ZNF469: variants seen among roughly 807,000 people sequenced by gnomAD.
ZNF469 encodes zinc finger protein 469.
A neutral mutation model predicts 1.0 loss-of-function variants in ZNF469; 1 was observed. The observed-to-expected ratio is 1.00, with a 90% confidence interval of 0.35 to 4.73. ZNF469 has a LOEUF of 4.73. Among genes scored for constraint, ZNF469 ranks in the 30% most tolerant of loss-of-function variants. ZNF469 has a pLI of 0.16. For missense variants in ZNF469, 6,100 were observed against 5,356.3 expected (o/e 1.14, Z -4.33); for synonymous variants, 2,703 against 2,363.4 (o/e 1.14, Z -4.17).
intron 1 of ZNF469, among the ~76,000 whole-genome samples, chr16:88,410,284 A>T (rs1026724584): frequency 2.7e-5 from 4 of 146,818 alleles, no homozygotes; most frequent in African/African-American, 8.0e-5. Context: ...GACGTCTATG[A>T]TACCGTTGAT....
At chr16:88,405,108 G>A (rs534099738) in intron 1 of ZNF469, among the ~76,000 whole-genome samples, 51 of 152,274 alleles carry the variant, frequency 3.3e-4, no homozygotes, top group African/African-American at 1.2e-3. Context: ...TTGAGGTGCT[G>A]TTGCCAACAA....
chr16:88,215,783 A>T, the ZNF469 span, among the ~76,000 whole-genome samples: 49 of 152,200 alleles, frequency 3.2e-4, 1 homozygote, highest in East Asian at 6.4e-3. Flanking sequence ...AGCGATTAAA[A>T]CAGGTACTTG....
chr16:88,158,529 T>A, the ZNF469 span, among the ~76,000 whole-genome samples: 5 of 148,262 alleles, frequency 3.4e-5, no homozygotes, highest in African/African-American at 1.0e-4. Flanking sequence ...CATGCCTGCC[T>A]CTGCGCAGAA....
chr16:88,428,852 G>A lies in ZNF469; in HGVS notation c.1382G>A (p.Ser461Asn). The A allele has an allele frequency of 6.5e-7, 1 of 1,548,578 alleles. No individual in the cohort carries two copies. The highest frequency in any genetic ancestry group is 1.2e-5 in the South Asian group (1 of 84,046). Residue 461 changes from serine to asparagine, a missense_variant, in exon 3 of 3, where the codon AGT becomes AAT. Ser to Asn is a conservative substitution (Grantham distance 46, BLOSUM62 1). Transcript: ENST00000565624. ...PPGGPLAATRSMFFNGQPSPG... is the reference protein window; with the variant it reads ...PPGGPLAATRNMFFNGQPSPG... ...GGGGGCCCCCTGGCTGCCACCAGGA[G>A]TATGTTCTTTAACGGCCAGCCCAGC...
At chr16:88,298,585 C>T in the ZNF469 span, among the ~76,000 whole-genome samples, 22 of 152,142 alleles carry the variant, frequency 1.4e-4, no homozygotes, top group Non-Finnish European at 2.1e-4. Flanking sequence ...GAGCTGCTGA[C>T]GATTCTTACT....
intron 1 of ZNF469, among the ~76,000 whole-genome samples, chr16:88,389,138 A>G (rs1353939986): frequency 2.0e-5 from 3 of 152,018 alleles, no homozygotes; most frequent in African/African-American, 7.2e-5. Context: ...TTATCACCCC[A>G]AAAAAAACCC....
the ZNF469 span, among the ~76,000 whole-genome samples, chr16:88,233,222 G>A: frequency 6.6e-6 from 1 of 152,230 alleles, no homozygotes; most frequent in East Asian, 1.9e-4. Flanking sequence ...CCCTCCCACA[G>A]TGCCAGAGAG....
Position 88,435,363 on chromosome 16 carries a change from A to C in ZNF469, c.7893A>C (p.Ser2631=), listed in dbSNP as rs746478601. 1.7e-5 allele frequency: 27 copies of C among 1,550,272 alleles called. No individual in the cohort carries two copies. The South Asian group carries it at 3.2e-4, about 18-fold the overall frequency. ...VDSPSHSEGK[S]NKKRGKLRGR... is the part of the protein sequence containing the mutation. ...CTCCTAGCCACTCAGAGGGGAAGTC[A>C]AATAAGAAAAGGGGAAAGCTGAGAG... Residue 2631 remains serine, a synonymous_variant, in exon 3 of 3, where the codon TCA becomes TCC. Coordinates refer to ENST00000565624, the MANE Select transcript of ZNF469 (RefSeq NM_001367624.2).
intron 1 of ZNF469, among the ~76,000 whole-genome samples, chr16:88,399,254 G>A (rs997063041): frequency 5.3e-5 from 8 of 152,204 alleles, no homozygotes; most frequent in Admixed American, 1.3e-4. Flanking sequence ...ATGTGATGGC[G>A]AAGTCTCCAG....
upstream of ZNF469, among the ~76,000 whole-genome samples, chr16:88,381,211 C>T (rs1388202191): frequency 6.7e-6 from 1 of 148,362 alleles, no homozygotes; most frequent in Non-Finnish European, 1.5e-5. Context: ...CACAGACACA[C>T]ACACAGACAT....
chr16:88,322,316 C>A, the ZNF469 span, among the ~76,000 whole-genome samples: 2 of 152,228 alleles, frequency 1.3e-5, no homozygotes, highest in South Asian at 4.1e-4. Context: ...CTGGGAGGAG[C>A]CAGCTCTGCC....
chr16:88,151,268 G>A, the ZNF469 span, among the ~76,000 whole-genome samples: 1 of 152,212 alleles, frequency 6.6e-6, no homozygotes, highest in Non-Finnish European at 1.5e-5. This position sits in a 1 kb window ranked among gnomAD's most constrained non-coding sequence, Gnocchi z 5.4. Flanking sequence ...CAGCCGGGAC[G>A]ACCCCAGATC....
chr16:88,374,111 A>G, the ZNF469 span, among the ~76,000 whole-genome samples: 2 of 152,180 alleles, frequency 1.3e-5, no homozygotes, highest in African/African-American at 4.8e-5. Flanking sequence ...CCCATCACAG[A>G]TGCACATAGC....
chr16:88,249,509 T>A, the ZNF469 span, among the ~76,000 whole-genome samples: 2 of 138,002 alleles, frequency 1.4e-5, no homozygotes, highest in Non-Finnish European at 3.0e-5. Context: ...CCATCTCGGC[T>A]CACTGCAAGC....
rs1453325537 is a variant in ZNF469, at chr16:88,429,921, G to A, written c.2451G>A (p.Leu817=). 1 of 1,550,028 alleles carries A rather than the reference G, an allele frequency of 6.5e-7. No individual in the cohort carries two copies. The highest frequency in any genetic ancestry group is 8.7e-7 in the Non-Finnish European group (1 of 1,146,902). Residue 817 remains leucine (L), a synonymous_variant, in exon 3 of 3, where the codon CTG becomes CTA. Transcript: ENST00000565624. ...GKDDPLRTGF[L]PSLAATPFPL... ...ACGACCCCCTGAGGACAGGCTTCCT[G>A]CCCAGCCTGGCCGCCACCCCCTTCC... is the stretch of plus-strand genomic sequence containing the variant.
At chr16:88,286,609 G>A in the ZNF469 span, among the ~76,000 whole-genome samples, 1 of 152,282 alleles carries the variant, frequency 6.6e-6, no homozygotes, top group South Asian at 2.1e-4. Context: ...GGGAGGGAAT[G>A]TGGAGGACAG....
chr16:88,410,220 GTTCACGGTGACGTCTA>G (rs1905113591), intron 1 of ZNF469, among the ~76,000 whole-genome samples: 1 of 148,802 alleles, frequency 6.7e-6, no homozygotes, highest in Non-Finnish European at 1.5e-5. Flanking sequence ...AGGTCAGACA[GTTCACGGTGACGTCTA>G]TGATGCCGTT....
At chr16:88,159,339 G>C in the ZNF469 span, among the ~76,000 whole-genome samples, 1 of 152,168 alleles carries the variant, frequency 6.6e-6, no homozygotes, top group Non-Finnish European at 1.5e-5. Context: ...GATTGTGCCT[G>C]TGTGTGTCCC....
the ZNF469 span, among the ~76,000 whole-genome samples, chr16:88,316,791 C>T: frequency 6.6e-6 from 1 of 152,100 alleles, no homozygotes; most frequent in African/African-American, 2.4e-5. Context: ...AAGTGATCCA[C>T]CCGCCTCAGC....
Sources: allele counts gnomAD v4.1 joint callset (sites outside exome capture counted in the v4.1 genomes callset), GRCh38; gene constraint gnomAD v4.1.1; non-coding constraint Gnocchi (gnomAD v3.1); transcripts MANE v1.5; gene names NCBI Gene and HGNC (gene_info 2026-07-23, HGNC 2026-07-21).